The following PDE4B variants were observed in gnomAD, a reference collection of about 807,000 sequenced individuals.
PDE4B encodes the protein phosphodiesterase 4B, also known as 3',5'-cyclic-AMP phosphodiesterase 4B.
In PDE4B, 20 loss-of-function variants were observed where a neutral mutation model predicts 82.2. The ratio of observed to expected loss-of-function variants is 0.24; its 90% CI spans 0.17 to 0.35. The LOEUF (loss-of-function observed/expected upper bound fraction) is 0.35, where lower values mean the gene tolerates loss of function less well. Ranked by LOEUF, PDE4B falls within the 10% of genes least tolerant of loss-of-function variation. PDE4B has a pLI of 1.00. For synonymous variants in PDE4B, 320 were observed against 318.9 expected, an observed-to-expected ratio of 1.00 and a Z score of -0.04; for missense variants, 655 against 907.2, an observed-to-expected ratio of 0.72 and a Z score of 3.57.
At chr1:66,221,879 G>A (rs954501730) in intron 3 of PDE4B, among the ~76,000 whole-genome samples, 2 of 127,132 alleles carry the variant, frequency 1.6e-5, no homozygotes, top group Admixed American at 9.0e-5. Flanking sequence ...TGAACTTCAG[G>A]TACTGAGTGT....
chr1:66,131,767 C>T (rs1423213959), intron 3 of PDE4B, among the ~76,000 whole-genome samples: 1 of 151,282 alleles, frequency 6.6e-6, no homozygotes, highest in Non-Finnish European at 1.5e-5. Context: ...GGGAATAGAA[C>T]AATGAATGAG....
At chr1:66,211,092 T>C (rs1246451855) in intron 3 of PDE4B, among the ~76,000 whole-genome samples, 1 of 152,330 alleles carries the variant, frequency 6.6e-6, no homozygotes, top group African/African-American at 2.4e-5. Flanking sequence ...GGGCAGGGTA[T>C]GCCTGACTGT....
chr1:65,929,119 C>G (rs886490202), intron 3 of PDE4B, among the ~76,000 whole-genome samples: 6 of 152,128 alleles, frequency 3.9e-5, no homozygotes, highest in African/African-American at 1.4e-4. Context: ...GGACTTTAGT[C>G]TAGTTATAGG....
At chr1:66,103,749 A>G (rs1488886589) in intron 3 of PDE4B, among the ~76,000 whole-genome samples, 3 of 152,000 alleles carry the variant, frequency 2.0e-5, no homozygotes, top group Non-Finnish European at 2.9e-5. Flanking sequence ...AATCTGTTGG[A>G]ACTTCTTGGG....
In PDE4B at chr1:66,374,251, A is replaced by G. The variant is rs894863325; in HGVS notation, c.*1573A>G. 4.6e-5 allele frequency: 7 copies of G among 152,704 alleles called. No homozygotes were observed. The highest frequency in any genetic ancestry group is 1.3e-4 in the Admixed American group (2 of 15,288). 9.5% of individuals were successfully genotyped at this position (152,704 alleles called of 1,614,324 possible). ...AAACAATAAAACAATGTGAATTTTTATAATAAAATGTGAACTGATGTAGCA... is the reference window on the plus strand; with the variant it reads ...AAACAATAAAACAATGTGAATTTTTGTAATAAAATGTGAACTGATGTAGCA... On this transcript the variant is annotated 3_prime_UTR_variant, in exon 17 of 17. Transcript: ENST00000341517.
chr1:66,276,742 A>T (rs984856827), intron 7 of PDE4B, among the ~76,000 whole-genome samples: 4 of 152,234 alleles, frequency 2.6e-5, no homozygotes, highest in African/African-American at 9.6e-5. Flanking sequence ...TCAGACCCTG[A>T]TCTCATAGAT....
intron 3 of PDE4B, among the ~76,000 whole-genome samples, chr1:66,185,260 T>A (rs4655602): frequency 0.46 from 69,893 of 152,086 alleles, 16,215 homozygotes; most frequent in African/African-American, 0.52. Context: ...TTTGGGTTGG[T>A]TCCAAATCTT....
At chr1:66,367,053 G>C (rs532300697) in intron 13 of PDE4B, among the ~76,000 whole-genome samples, 1 of 152,298 alleles carries the variant, frequency 6.6e-6, no homozygotes, top group Admixed American at 6.5e-5. Flanking sequence ...ATAAAAGGCA[G>C]GCTGGAAGCT....
intron 1 of PDE4B, among the ~76,000 whole-genome samples, chr1:65,891,393 C>T (rs1395994069): frequency 1.3e-5 from 2 of 152,134 alleles, no homozygotes; most frequent in African/African-American, 4.8e-5. Flanking sequence ...TTAAAGGTTA[C>T]TTCTTTCTTT....
At chr1:66,051,052 T>A (rs1245051264) in intron 3 of PDE4B, among the ~76,000 whole-genome samples, 1 of 152,126 alleles carries the variant, frequency 6.6e-6, no homozygotes, top group Non-Finnish European at 1.5e-5. Context: ...AATGATGACT[T>A]TTCTGTTTTT....
intron 3 of PDE4B, among the ~76,000 whole-genome samples, chr1:66,103,894 C>A (rs1263305538): frequency 6.6e-6 from 1 of 151,990 alleles, no homozygotes; most frequent in African/African-American, 2.4e-5. Context: ...CAACTACCTA[C>A]AAATGAAATT....
At chr1:66,037,519 G>A (rs927862363) in intron 3 of PDE4B, among the ~76,000 whole-genome samples, 5 of 151,824 alleles carry the variant, frequency 3.3e-5, no homozygotes, top group African/African-American at 1.2e-4. Context: ...TTTTTTGGTG[G>A]AGTCATTACG....
chr1:65,902,766 T>C (rs2100426179), intron 1 of PDE4B, among the ~76,000 whole-genome samples: 1 of 152,324 alleles, frequency 6.6e-6, no homozygotes, highest in Non-Finnish European at 1.5e-5. Flanking sequence ...AGTACATGAC[T>C]ATATGAATTC....
chr1:66,258,001 C>A (rs1435681203), intron 6 of PDE4B, 138 bp downstream of exon 6: 28 of 628,418 alleles, frequency 4.5e-5, no homozygotes, highest in Non-Finnish European at 7.3e-5. Context: ...AATTTGAAAA[C>A]AGGATGGAGC....
At chr1:66,273,218 C>T (rs1224433667) in intron 7 of PDE4B, among the ~76,000 whole-genome samples, 2 of 152,222 alleles carry the variant, frequency 1.3e-5, no homozygotes, top group Non-Finnish European at 2.9e-5. Flanking sequence ...CACCCCCCTG[C>T]ACAACTGATG....
At chr1:66,110,235 A>G (rs1570260744) in intron 3 of PDE4B, among the ~76,000 whole-genome samples, 2 of 151,992 alleles carry the variant, frequency 1.3e-5, no homozygotes, top group Non-Finnish European at 2.9e-5. Context: ...ATAATAACCA[A>G]TGGTTACAGT....
chr1:66,163,995 A>G (rs1368825141), intron 3 of PDE4B, among the ~76,000 whole-genome samples: 3 of 152,182 alleles, frequency 2.0e-5, no homozygotes, highest in Non-Finnish European at 4.4e-5. Flanking sequence ...AGCTTTAAAA[A>G]CAAGTCTTGT....
At chr1:66,160,116 G>T (rs1646581530) in intron 3 of PDE4B, among the ~76,000 whole-genome samples, 1 of 152,120 alleles carries the variant, frequency 6.6e-6, no homozygotes, top group South Asian at 2.1e-4. Context: ...GTTAAAAGGG[G>T]AAAATTGTGC....
Position 66,008,570 on chromosome 1 carries a change from C to A in PDE4B, c.281+89735C>A, listed in dbSNP as rs1652287724. On this transcript the variant is annotated intron_variant, in intron 3 of 16. Transcript: ENST00000341517. ...ACATGCTATTTCCCTTTAAAAAGCC[C>A]TCTTTGACCCGAGGCACTCCTCTAT... 3.3e-5 allele frequency among the ~76,000 whole-genome samples: 5 copies of A among 152,172 alleles called. 1 individual carries two copies. The South Asian group carries it at 1.0e-3, about 32-fold the overall frequency.
Sources: gnomAD v4.1 joint callset for allele counts (sites outside exome capture counted in the v4.1 genomes callset) on GRCh38, gnomAD v4.1.1 for gene constraint, MANE v1.5 for transcripts, NCBI Gene and HGNC (gene_info 2026-07-23, HGNC 2026-07-21) for gene names.